Variants in NLRC4 observed in about 807,000 individuals in gnomAD.
NLRC4 encodes the protein NLR family CARD domain-containing protein 4.
In NLRC4, 63 loss-of-function variants were observed where a neutral mutation model predicts 79.9. The ratio of observed to expected loss-of-function variants is 0.79; its 90% CI spans 0.64 to 0.97. The LOEUF (loss-of-function observed/expected upper bound fraction) is 0.97. Among genes scored for constraint, NLRC4 ranks in the 50% least tolerant of loss-of-function variants. The pLI, the probability that NLRC4 is intolerant of heterozygous loss-of-function variation, is 0.00. For synonymous variants in NLRC4, 461 were observed against 456.5 expected, an observed-to-expected ratio of 1.01 and a Z score of -0.12; for missense variants, 1,074 against 1,215.2, an observed-to-expected ratio of 0.88 and a Z score of 1.73.
rs766313778 is a variant in NLRC4, at chr2:32,250,434, A to G, written c.1430T>C (p.Met477Thr). Residue 477 changes from methionine to threonine, a missense_variant, in exon 4 of 9, where the codon ATG (methionine) becomes ACG (threonine). Physicochemically the swap from Met to Thr is moderately conservative, Grantham distance 81. Coordinates refer to ENST00000402280, the MANE Select transcript of NLRC4 (RefSeq NM_001199138.2). This position sits in a 1 kb window ranked among gnomAD's most constrained non-coding sequence, Gnocchi z 4.9. ...VTKGNGYLQKMVSISDITSTY... is the reference protein window; with the variant it reads ...VTKGNGYLQKTVSISDITSTY... ...GGATGTAATGTCCGAAATGGAAACC[A>G]TTTTCTGCAAGTAACCATTCCCCTT... is the stretch of plus-strand genomic sequence containing the variant. 6 of 1,614,098 alleles carry G rather than the reference A, an allele frequency of 3.7e-6. No individual in the cohort carries two copies. Among genetic ancestry groups the G allele is most frequent in the Middle Eastern group, 1.6e-4 (1 of 6,062 alleles).
chr2:32,263,295 C>A (rs992682458), intron 1 of NLRC4, among the ~76,000 whole-genome samples: 4 of 152,282 alleles, frequency 2.6e-5, no homozygotes, highest in East Asian at 1.9e-4. Flanking sequence ...TGTTACTTAG[C>A]CTTTCCGAAT....
Position 32,251,455 on chromosome 2 carries a change from G to T in NLRC4, c.409C>A (p.Pro137Thr), listed in dbSNP as rs1035132589. ...IFNLKSTFTE[P>T]VLWRKDQHHH... ...TGTTGGTCCTTCCTCCACAGGACAG[G>T]TTCTGTGAAGGTGCTTTTCAAGTTA... The change falls in exon 4 of 9, where the codon CCT (proline) becomes ACT (threonine). Residue 137 changes from proline to threonine, a missense_variant. Pro to Thr is a conservative substitution (Grantham distance 38). Coordinates refer to ENST00000402280, the MANE Select transcript of NLRC4 (RefSeq NM_001199138.2). The T allele has an allele frequency of 6.2e-7, 1 of 1,614,038 alleles. No individual in the cohort carries two copies. The highest frequency in any genetic ancestry group is 8.5e-7 in the Non-Finnish European group (1 of 1,180,046).
intron 3 of NLRC4, among the ~76,000 whole-genome samples, 183 bp from the exon 4 acceptor site, chr2:32,251,784 C>T (rs1687084635): frequency 6.6e-6 from 1 of 152,090 alleles, no homozygotes; most frequent in African/African-American, 2.4e-5. Context: ...CATCCTTTAC[C>T]CCACTCCCCT....
At chr2:32,239,101 C>T (rs916593931) in intron 5 of NLRC4, among the ~76,000 whole-genome samples, 5 of 151,980 alleles carry the variant, frequency 3.3e-5, no homozygotes, top group African/African-American at 4.8e-5. Flanking sequence ...TCCAACATGG[C>T]GGAACCCCAT....
In NLRC4 at chr2:32,251,453, A is replaced by G; in HGVS notation, c.411T>C (p.Pro137=). 1 of 1,614,124 alleles carries G rather than the reference A, an allele frequency of 6.2e-7. No individual in the cohort carries two copies. The highest frequency in any genetic ancestry group is 8.5e-7 in the Non-Finnish European group (1 of 1,179,984). ...IFNLKSTFTE[P]VLWRKDQHHH... ...GGTGTTGGTCCTTCCTCCACAGGAC[A>G]GGTTCTGTGAAGGTGCTTTTCAAGT... The change falls in exon 4 of 9, where the codon CCT becomes CCC. Residue 137 remains proline, a synonymous_variant. Transcript: ENST00000402280.
rs57570626 is a variant in NLRC4, at chr2:32,259,262, A to ATTTTT, written c.-118-2374_-118-2370dup. Among the ~76,000 whole-genome samples, 184 of 52,892 alleles carry ATTTTT rather than the reference A, an allele frequency of 3.5e-3. 31 individuals are homozygous for ATTTTT. Among genetic ancestry groups the ATTTTT allele is most frequent in the African/African-American group, 5.8e-3 (62 of 10,700 alleles). 34.7% of individuals were successfully genotyped at this position (52,892 alleles called of 152,430 possible). On this transcript the variant is annotated intron_variant, in intron 1 of 8. Coordinates refer to ENST00000402280, the MANE Select transcript of NLRC4 (RefSeq NM_001199138.2). ...AGGTGTGTGCCACCATGCCTGGCTAATTTTTTTTTTTTTTTTTTTTTTTTT... is the reference window on the plus strand; with the variant it reads ...AGGTGTGTGCCACCATGCCTGGCTAATTTTTTTTTTTTTTTTTTTTTTTTTTTTTT...
chr2:32,231,582 G>GGGC lies in NLRC4; in HGVS notation c.2782+3818_2782+3819insGCC, dbSNP rs1553342735. On this transcript the variant is annotated intron_variant, in intron 8 of 8. Transcript: ENST00000402280. Reference sequence around the variant, plus strand: ...TTTTCTATTTTTTTTTGTGGGGGGGGGGTGGGGGACTGGGTGTCACTCTGT... The same window carrying GGGC: ...TTTTCTATTTTTTTTTGTGGGGGGGGGGCGGTGGGGGACTGGGTGTCACTCTGT... 1.0e-4 allele frequency among the ~76,000 whole-genome samples: 11 copies of GGGC among 106,580 alleles called. 1 individual carries two copies. Among genetic ancestry groups the GGGC allele is most frequent in the Non-Finnish European group, 1.7e-4 (9 of 51,648 alleles). The allele number at this position is 106,580 out of a possible 152,430, so 69.9% of individuals were successfully genotyped here.
chr2:32,249,003 C>T (rs1409359602), intron 4 of NLRC4, among the ~76,000 whole-genome samples: 1 of 152,200 alleles, frequency 6.6e-6, no homozygotes, highest in African/African-American at 2.4e-5. Context: ...CAGAGGACCA[C>T]CAACCACAGA....
chr2:32,224,782 G>T lies in NLRC4; in HGVS notation c.2783-17C>A. The T allele has an allele frequency of 2.1e-6, 3 of 1,436,302 alleles. No individual in the cohort carries two copies. The highest frequency in any genetic ancestry group is 2.4e-5 in the East Asian group (1 of 41,900). The allele number at this position is 1,436,302 out of a possible 1,614,324, so 89.0% of individuals were successfully genotyped here. On this transcript the variant is annotated splice_polypyrimidine_tract_variant and intron_variant, in intron 8 of 8. Transcript: ENST00000402280. ...AAAATGCACCTGGGTAAAGAAATAA[G>T]TATATTAGTTGGAAGAAAAATTTTT...
chr2:32,228,153 A>G (rs1686447319), intron 8 of NLRC4, among the ~76,000 whole-genome samples: 1 of 152,218 alleles, frequency 6.6e-6, no homozygotes, highest in Non-Finnish European at 1.5e-5. Flanking sequence ...TAGTGTGAAG[A>G]CATGCATTAT....
At chr2:32,233,341 ATATATATATTTTTTTTTTTTT>A (rs1049114431) in intron 8 of NLRC4, among the ~76,000 whole-genome samples, 2 of 45,444 alleles carry the variant, frequency 4.4e-5, no homozygotes, top group African/African-American at 2.3e-4. Context: ...ATATATATAT[ATATATATATTTTTTTTTTTTT>A]TTTTTTAATT....
intron 8 of NLRC4, among the ~76,000 whole-genome samples, chr2:32,227,941 G>A (rs1036155014): frequency 2.0e-5 from 3 of 152,198 alleles, no homozygotes; most frequent in Non-Finnish European, 4.4e-5. Context: ...GGGTAGAAGG[G>A]TTCTGATTCT....
intron 2 of NLRC4, among the ~76,000 whole-genome samples, chr2:32,256,470 A>G (rs1391286674): frequency 6.6e-6 from 1 of 152,110 alleles, no homozygotes; most frequent in Non-Finnish European, 1.5e-5. Context: ...GATCTATACC[A>G]TGTTTCTTCA....
intron 8 of NLRC4, among the ~76,000 whole-genome samples, chr2:32,227,261 TG>T (rs1188765179): frequency 1.3e-5 from 2 of 152,180 alleles, no homozygotes; most frequent in Non-Finnish European, 2.9e-5. Flanking sequence ...GACTGTTACA[TG>T]ATAGAGAATC....
chr2:32,231,595 G>GGTGT (rs1414567950), intron 8 of NLRC4, among the ~76,000 whole-genome samples: 1 of 110,006 alleles, frequency 9.1e-6, no homozygotes, highest in African/African-American at 3.3e-5. Flanking sequence ...TGGGGGACTG[G>GGTGT]GTGTCACTCT....
At chr2:32,252,290 C>A in intron 3 of NLRC4, 129 bp downstream of exon 3, 1 of 696,692 alleles carries the variant, frequency 1.4e-6, no homozygotes. Flanking sequence ...TTTTCCTTAG[C>A]AGGTATCAAA....
chr2:32,252,363 CT>C, intron 3 of NLRC4, 55 bp downstream of exon 3: 1 of 1,334,810 alleles, frequency 7.5e-7, no homozygotes, highest in Non-Finnish European at 1.1e-6. Context: ...GAAGATGGAT[CT>C]TTGTTGTGGT....
chr2:32,259,176 T>A (rs1391805172), intron 1 of NLRC4, among the ~76,000 whole-genome samples: 1 of 151,162 alleles, frequency 6.6e-6, no homozygotes, highest in Non-Finnish European at 1.5e-5. Flanking sequence ...GCTCACGGCA[T>A]CCTTAACCTT....
chr2:32,231,466 T>A (rs2148931330), intron 8 of NLRC4, among the ~76,000 whole-genome samples: 1 of 151,458 alleles, frequency 6.6e-6, no homozygotes, highest in Middle Eastern at 3.4e-3. Flanking sequence ...TAAGAGTTTT[T>A]TTATATATTC....
Sources: allele counts gnomAD v4.1 joint callset (sites outside exome capture counted in the v4.1 genomes callset), GRCh38; gene constraint gnomAD v4.1.1; non-coding constraint Gnocchi (gnomAD v3.1); transcripts MANE v1.5; gene names NCBI Gene and HGNC (gene_info 2026-07-23, HGNC 2026-07-21).